NAF1: variants seen among roughly 807,000 people sequenced by gnomAD.
The protein encoded by NAF1 is H/ACA ribonucleoprotein complex non-core subunit NAF1.
Under a neutral mutation model 40.6 loss-of-function variants are expected in NAF1, and 11 were observed. The observed-to-expected ratio is 0.27, with a 90% confidence interval of 0.17 to 0.45. The LOEUF is 0.45. NAF1 is among the 20% of genes least tolerant of loss of function. The pLI is 1.00. For synonymous variants in NAF1, 260 were observed against 228.5 expected, an observed-to-expected ratio of 1.14 and a Z score of -1.24; for missense variants, 607 against 611.1, an observed-to-expected ratio of 0.99 and a Z score of 0.07.
chr4:163,135,608 T>C (rs1731024419), intron 6 of NAF1: 2 of 152,104 alleles, frequency 1.3e-5, no homozygotes, highest in African/African-American at 2.4e-5. Flanking sequence ...CTGGACAACA[T>C]TGTGAAACCC....
chr4:163,113,345 C>T (rs1223795506), intron 2 of NAF1, among the ~76,000 whole-genome samples: 1 of 151,888 alleles, frequency 6.6e-6, no homozygotes, highest in Non-Finnish European at 1.5e-5. Context: ...TTCATAATTC[C>T]TCTCCTAACA....
chr4:163,137,410 G>A (rs1731102739), intron 5 of NAF1, among the ~76,000 whole-genome samples, 160 bp from the exon 6 acceptor site: 1 of 152,156 alleles, frequency 6.6e-6, no homozygotes, highest in Non-Finnish European at 1.5e-5. Context: ...AAAGATGTGG[G>A]AAGCTCCTAA....
At chr4:163,133,819 G>T (rs6829366) in intron 6 of NAF1, among the ~76,000 whole-genome samples, 118,339 of 152,080 alleles carry the variant, frequency 0.78, 46,077 homozygotes, top group South Asian at 0.84. Context: ...AAGCTTTTTT[G>T]TGTGTGTGTG....
rs1730932617 is a variant in NAF1, at chr4:163,133,141, T to G, written c.1033+13A>C. 1 of 1,584,770 alleles carries G rather than the reference T, an allele frequency of 6.3e-7. No homozygotes were observed. Among genetic ancestry groups the G allele is most frequent in the Non-Finnish European group, 8.7e-7 (1 of 1,153,864 alleles). On this transcript the variant is annotated intron_variant, in intron 7 of 7. Transcript: ENST00000274054. The stretch of plus-strand genomic sequence containing the variant: ...GAAGATAAAGAACGAGTATATATAT[T>G]GTATTCACTCACCAGGCTCATTAAA...
chr4:163,133,370 T>A (rs1244470686), intron 6 of NAF1, 114 bp from the exon 7 acceptor site: 1 of 689,070 alleles, frequency 1.5e-6, no homozygotes, highest in African/African-American at 1.8e-5. Flanking sequence ...CTAAAAAAAG[T>A]TGTCTTTTTG....
chr4:163,133,585 AT>A, intron 6 of NAF1: 1 of 203,144 alleles, frequency 4.9e-6, no homozygotes. Flanking sequence ...CAAATTATAT[AT>A]ATTATCAGAG....
intron 2 of NAF1, among the ~76,000 whole-genome samples, chr4:163,153,772 G>A (rs1449685720): frequency 6.6e-6 from 1 of 152,182 alleles, no homozygotes; most frequent in African/African-American, 2.4e-5. Flanking sequence ...CCAGATAAGA[G>A]AATAAAAGCA....
intron 7 of NAF1, among the ~76,000 whole-genome samples, chr4:163,131,038 A>G (rs1730853497): frequency 1.3e-5 from 2 of 152,044 alleles, no homozygotes; most frequent in South Asian, 4.1e-4. Flanking sequence ...ATGCCCAGCT[A>G]ATTTTTGTAT....
Position 163,166,888 on chromosome 4 carries a change from C to A in NAF1, c.-161G>T. 2 of 962,468 alleles carry A rather than the reference C, an allele frequency of 2.1e-6. No individual in the cohort carries two copies. Among genetic ancestry groups the A allele is most frequent in the South Asian group, 3.5e-5 (2 of 56,876 alleles). 59.6% of individuals were successfully genotyped at this position (962,468 alleles called of 1,614,324 possible). On this transcript the variant is annotated 5_prime_UTR_variant, in exon 1 of 8. Coordinates refer to ENST00000274054, the MANE Select transcript of NAF1 (RefSeq NM_138386.3). ...AACTACACGCGGAGGAGCCAAAAGA[C>A]ACGCCCCCGCCATTTACGCAGCAAC...
intron 2 of NAF1, among the ~76,000 whole-genome samples, chr4:163,160,553 G>C (rs1732176928): frequency 6.6e-6 from 1 of 152,176 alleles, no homozygotes. Flanking sequence ...ACAATGGAAA[G>C]ATTTAAAGGG....
chr4:163,129,494 A>G (rs1730788817), intron 7 of NAF1, 146 bp from the exon 8 acceptor site: 1 of 903,532 alleles, frequency 1.1e-6, no homozygotes, highest in Admixed American at 2.9e-5. Context: ...GTAAATTTGA[A>G]ATGAACTGAA....
intron 2 of NAF1, among the ~76,000 whole-genome samples, chr4:163,110,819 ATATT>A (rs1730138454): frequency 6.6e-6 from 1 of 152,132 alleles, no homozygotes; most frequent in Admixed American, 6.6e-5. Context: ...AGTTATTTAC[ATATT>A]TAGTCTTAGG....
chr4:163,119,130 T>C (rs1183965766), intron 2 of NAF1, among the ~76,000 whole-genome samples: 2 of 152,216 alleles, frequency 1.3e-5, no homozygotes, highest in Non-Finnish European at 2.9e-5. Context: ...CCTCTCTGAA[T>C]GATTTTCTAC....
downstream of NAF1, among the ~76,000 whole-genome samples, chr4:163,123,368 C>A (rs1261976965): frequency 6.6e-6 from 1 of 152,228 alleles, no homozygotes; most frequent in Non-Finnish European, 1.5e-5. Flanking sequence ...AAGGTCCAAA[C>A]TGTAGCACAG....
chr4:163,132,341 TAGGTA>T (rs1158966196), intron 7 of NAF1, among the ~76,000 whole-genome samples: 1 of 152,202 alleles, frequency 6.6e-6, no homozygotes, highest in East Asian at 1.9e-4. Flanking sequence ...GATGAATGGT[TAGGTA>T]ATCTGGTAAA....
intron 2 of NAF1, among the ~76,000 whole-genome samples, chr4:163,160,979 AGAG>A (rs1354098547): frequency 4.8e-5 from 7 of 146,400 alleles, no homozygotes; most frequent in Admixed American, 2.0e-4. Context: ...ATAGTTGTGG[AGAG>A]GAGATGCTTC....
intron 5 of NAF1, among the ~76,000 whole-genome samples, chr4:163,138,330 A>G (rs1212632709): frequency 6.6e-6 from 1 of 152,156 alleles, no homozygotes; most frequent in Non-Finnish European, 1.5e-5. Flanking sequence ...GGCCTTAAAT[A>G]TATCTCTGGT....
At chr4:163,119,921 G>A (rs773135665) in intron 2 of NAF1, 3 of 152,164 alleles carry the variant, frequency 2.0e-5, no homozygotes, top group African/African-American at 4.8e-5. Flanking sequence ...TTGCTAAACA[G>A]AATTCATCTG....
At chr4:163,144,012 A>T (rs1731362385) in intron 4 of NAF1, 1 of 975,292 alleles carries the variant, frequency 1.0e-6, no homozygotes, top group South Asian at 4.8e-5. Flanking sequence ...GGTGGGGAAC[A>T]ACACTCCATC....
Sources: allele counts gnomAD v4.1 joint callset (sites outside exome capture counted in the v4.1 genomes callset), GRCh38; gene constraint gnomAD v4.1.1; transcripts MANE v1.5; gene names NCBI Gene and HGNC (gene_info 2026-07-23, HGNC 2026-07-21).